SLC35F1: variants seen among roughly 807,000 people sequenced by gnomAD.
The protein encoded by SLC35F1 is chromosome 6 open reading frame 169.
In SLC35F1, 14 loss-of-function variants were observed where a neutral mutation model predicts 48.7. That is an observed-to-expected ratio of 0.29 (90% CI 0.19 to 0.45). The LOEUF (loss-of-function observed/expected upper bound fraction) is 0.45. Ranked by LOEUF, SLC35F1 falls within the 20% of genes least tolerant of loss-of-function variation. SLC35F1 has a pLI of 1.00. For synonymous variants in SLC35F1, 190 were observed against 202.2 expected (o/e 0.94, Z 0.51); for missense variants, 404 against 500.0 (o/e 0.81, Z 1.83).
intron 1 of SLC35F1, among the ~76,000 whole-genome samples, chr6:117,911,393 C>T (rs1195249446): frequency 4.0e-5 from 5 of 125,692 alleles, no homozygotes; most frequent in Middle Eastern, 3.7e-3. Flanking sequence ...CTCCCCTCCC[C>T]TCCCCTCCCC....
intron 1 of SLC35F1, among the ~76,000 whole-genome samples, chr6:118,034,473 G>T (rs927168168): frequency 5.9e-5 from 9 of 152,068 alleles, no homozygotes; most frequent in Admixed American, 4.6e-4. Context: ...AAGAAGAATC[G>T]CTTGAACCTG....
chr6:118,138,166 A>C lies in SLC35F1; in HGVS notation c.174-16279A>C, dbSNP rs111261388. 5.7e-3 allele frequency among the ~76,000 whole-genome samples: 860 copies of C among 151,850 alleles called. 13 individuals are homozygous for C. Among genetic ancestry groups the C allele is most frequent in the African/African-American group, 0.02 (817 of 41,416 alleles). On this transcript the variant is annotated intron_variant, in intron 1 of 7. Coordinates refer to ENST00000360388, the MANE Select transcript of SLC35F1 (RefSeq NM_001029858.4). ...TCTACAAAAAGTTAAAAAATTAGCC[A>C]GGCATGGTAGTGCATGCCTGTAGTC...
chr6:118,187,020 A>G (rs1383368218), intron 2 of SLC35F1, among the ~76,000 whole-genome samples: 1 of 152,078 alleles, frequency 6.6e-6, no homozygotes, highest in Admixed American at 6.6e-5. Flanking sequence ...CTCTCATTCT[A>G]TCTCTCTATC....
At chr6:118,122,657 C>A (rs1350539837) in intron 1 of SLC35F1, among the ~76,000 whole-genome samples, 1 of 152,186 alleles carries the variant, frequency 6.6e-6, no homozygotes, top group African/African-American at 2.4e-5. Flanking sequence ...AGTCCCTAGG[C>A]TTTTATCTCT....
intron 1 of SLC35F1, among the ~76,000 whole-genome samples, chr6:118,077,571 T>C (rs1427630949): frequency 6.6e-6 from 1 of 152,206 alleles, no homozygotes; most frequent in East Asian, 1.9e-4. Context: ...TGGGGGATTT[T>C]AGTTTACTCA....
intron 1 of SLC35F1, among the ~76,000 whole-genome samples, chr6:118,004,583 A>C (rs1777149491): frequency 6.6e-6 from 1 of 152,140 alleles, no homozygotes; most frequent in South Asian, 2.1e-4. Context: ...TTTTTTAAAA[A>C]CAGGGTCTCA....
intron 1 of SLC35F1, among the ~76,000 whole-genome samples, chr6:118,151,377 T>C (rs956988724): frequency 6.6e-6 from 1 of 152,220 alleles, no homozygotes; most frequent in African/African-American, 2.4e-5. Flanking sequence ...ATGCTACTAA[T>C]GCTGCTGGAT....
chr6:118,287,709 C>A (rs988955255), intron 7 of SLC35F1, among the ~76,000 whole-genome samples: 1 of 152,120 alleles, frequency 6.6e-6, no homozygotes, highest in Non-Finnish European at 1.5e-5. Context: ...AGTGCCTGTT[C>A]CTGTCTGGGT....
intron 1 of SLC35F1, among the ~76,000 whole-genome samples, chr6:118,088,629 T>G (rs1333455936): frequency 6.6e-6 from 1 of 152,076 alleles, no homozygotes; most frequent in Non-Finnish European, 1.5e-5. Flanking sequence ...TAGGACGTCT[T>G]AAAACAGAGT....
chr6:117,916,233 A>G (rs1775824364), intron 1 of SLC35F1, among the ~76,000 whole-genome samples: 1 of 152,180 alleles, frequency 6.6e-6, no homozygotes, highest in Non-Finnish European at 1.5e-5. Context: ...TTTTGTCCTA[A>G]TATTTAAGAA....
chr6:118,219,732 A>G (rs1775121068), intron 2 of SLC35F1, among the ~76,000 whole-genome samples: 1 of 152,242 alleles, frequency 6.6e-6, no homozygotes, highest in African/African-American at 2.4e-5. Flanking sequence ...TGTTTATTGC[A>G]GCAGTATTCA....
intron 1 of SLC35F1, among the ~76,000 whole-genome samples, chr6:117,954,047 A>G (rs1025651819): frequency 6.6e-6 from 1 of 152,206 alleles, no homozygotes; most frequent in African/African-American, 2.4e-5. Flanking sequence ...ATAAGCAATT[A>G]TGAAGAAAAC....
chr6:117,956,902 A>C (rs1161325600), intron 1 of SLC35F1, among the ~76,000 whole-genome samples: 1 of 152,230 alleles, frequency 6.6e-6, no homozygotes, highest in African/African-American at 2.4e-5. Context: ...GGCATTTGTC[A>C]TAACTCTTAC....
Position 118,285,290 on chromosome 6 carries a change from A to G in SLC35F1, c.954A>G (p.Thr318=). The change falls in exon 7 of 8, where the codon ACA becomes ACG. Residue 318 remains threonine (T), a synonymous_variant. Transcript: ENST00000360388. ...SATSVNLSLL[T]ADLYSLFCGL... ...CTTCAGTCAACCTCTCCTTGCTCAC[A>G]GCAGACTTGTACAGCCTGTTCTGTG... The G allele has an allele frequency of 6.2e-7, 1 of 1,614,056 alleles. No individual in the cohort carries two copies. Among genetic ancestry groups the G allele is most frequent in the Non-Finnish European group, 8.5e-7 (1 of 1,179,922 alleles).
chr6:118,064,703 A>T (rs2114281430), intron 1 of SLC35F1, among the ~76,000 whole-genome samples: 1 of 152,236 alleles, frequency 6.6e-6, no homozygotes, highest in South Asian at 2.1e-4. Flanking sequence ...ATAAAGCCAA[A>T]ATTCTGAGCT....
chr6:117,995,460 G>A (rs890911902), intron 1 of SLC35F1, among the ~76,000 whole-genome samples: 1 of 152,138 alleles, frequency 6.6e-6, no homozygotes, highest in Non-Finnish European at 1.5e-5. Context: ...AATGAACTTA[G>A]ATTTTCCATA....
intron 1 of SLC35F1, among the ~76,000 whole-genome samples, chr6:118,084,251 G>A (rs934704863): frequency 6.6e-6 from 1 of 151,704 alleles, no homozygotes; most frequent in African/African-American, 2.4e-5. Context: ...TTTTTTTTAA[G>A]TTTAAACTTG....
At chr6:118,004,091 G>A (rs1218264867) in intron 1 of SLC35F1, among the ~76,000 whole-genome samples, 1 of 152,148 alleles carries the variant, frequency 6.6e-6, no homozygotes, top group East Asian at 1.9e-4. Flanking sequence ...TTTGTATGGA[G>A]GTCCTGTATT....
intron 1 of SLC35F1, among the ~76,000 whole-genome samples, chr6:118,111,288 A>G (rs775206850): frequency 1.3e-5 from 2 of 152,154 alleles, no homozygotes; most frequent in African/African-American, 2.4e-5. Flanking sequence ...ACACCCCTGT[A>G]TATCATATTC....
Sources: allele counts gnomAD v4.1 joint callset (sites outside exome capture counted in the v4.1 genomes callset), GRCh38; gene constraint gnomAD v4.1.1; transcripts MANE v1.5; gene names NCBI Gene and HGNC (gene_info 2026-07-23, HGNC 2026-07-21).